KRT8: variants seen among roughly 807,000 people sequenced by gnomAD.
KRT8 encodes keratin, type II cytoskeletal 8.
In KRT8, 24 loss-of-function variants were observed where a neutral mutation model predicts 43.0. That is an observed-to-expected ratio of 0.56 (90% CI 0.40 to 0.78). The LOEUF is 0.78. KRT8 is among the 30% of genes least tolerant of loss of function. The probability of loss-of-function intolerance (pLI) is 0.00; values close to 1 mark genes in which losing one functional copy is unlikely to be tolerated. For missense variants in KRT8, 492 were observed against 638.4 expected, an observed-to-expected ratio of 0.77 and a Z score of 2.47; for synonymous variants, 214 against 261.2, an observed-to-expected ratio of 0.82 and a Z score of 1.74.
At chr12:52,926,596 G>A in intron 2 of KRT8, 1 of 709,478 alleles carries the variant, frequency 1.4e-6, no homozygotes, top group East Asian at 2.8e-5. Context: ...CACTTGCTGT[G>A]GGCATGTCTG....
At chr12:52,940,411 C>T (rs1471091132) in intron 2 of KRT8, among the ~76,000 whole-genome samples, 6 of 130,408 alleles carry the variant, frequency 4.6e-5, no homozygotes, top group Admixed American at 9.1e-5. Flanking sequence ...CCAGCCTGGG[C>T]GACAGAGCAA....
intron 2 of KRT8, among the ~76,000 whole-genome samples, chr12:52,927,140 C>T (rs979115613): frequency 2.6e-5 from 4 of 152,156 alleles, no homozygotes; most frequent in Non-Finnish European, 5.9e-5. Flanking sequence ...GGAGCTAAGC[C>T]TCAGAAGGGT....
At chr12:52,903,105 T>A (rs61927890) in intron 1 of KRT8, among the ~76,000 whole-genome samples, 48,411 of 151,994 alleles carry the variant, frequency 0.32, 8,067 homozygotes, top group Middle Eastern at 0.4. Flanking sequence ...TCTCTGCAAA[T>A]CGCTTTCTTC....
upstream of KRT8, among the ~76,000 whole-genome samples, chr12:52,909,691 T>A (rs571965600): frequency 6.6e-6 from 1 of 152,210 alleles, no homozygotes; most frequent in Non-Finnish European, 1.5e-5. Flanking sequence ...GGTTCTCACA[T>A]CTGCTAGGGT....
intron 2 of KRT8, among the ~76,000 whole-genome samples, chr12:52,925,189 GA>G (rs1941965092): frequency 6.6e-6 from 1 of 152,302 alleles, no homozygotes; most frequent in Non-Finnish European, 1.5e-5. Context: ...GTAATTCCAG[GA>G]AAAGACTGAG....
intron 2 of KRT8, among the ~76,000 whole-genome samples, chr12:52,938,155 TATATATATATATATA>T (rs1565732902): frequency 0.029 from 984 of 34,018 alleles, 75 homozygotes; most frequent in African/African-American, 0.056. Context: ...TATATATATA[TATATATATATATATA>T]TTTTTTTTTT....
intron 2 of KRT8, among the ~76,000 whole-genome samples, chr12:52,923,016 G>A (rs951224547): frequency 6.6e-6 from 1 of 152,130 alleles, no homozygotes; most frequent in Non-Finnish European, 1.5e-5. Context: ...AGGAAGCCCA[G>A]GACAGCTGAG....
At chr12:52,898,559 C>G in intron 6 of KRT8, 40 bp from the exon 7 acceptor site, 2 of 1,612,878 alleles carry the variant, frequency 1.2e-6, no homozygotes, top group Non-Finnish European at 1.7e-6. Flanking sequence ...CAACTCCTAG[C>G]CCTTCTTGGC....
rs765850955 is a variant in KRT8, at chr12:52,897,286, A to C, written c.*142T>G. ...GCATGGGCAAGGGGGGTCCCCAGGT[A>C]GTAAACTCCCCAGGTGGGCTGAGGG... On this transcript the variant is annotated 3_prime_UTR_variant, in exon 8 of 8. Transcript: ENST00000692008. 1.0e-5 allele frequency: 8 copies of C among 800,242 alleles called. 2 individuals are homozygous for C. In the South Asian group the frequency reaches 1.1e-4, roughly 11 times the overall value. The allele number at this position is 800,242 out of a possible 1,614,324, so 49.6% of individuals were successfully genotyped here.
intron 2 of KRT8, chr12:52,926,342 C>G: frequency 2.4e-6 from 2 of 822,974 alleles, no homozygotes; most frequent in Non-Finnish European, 3.8e-6. Context: ...GCCCTCCCCA[C>G]CCCACCCCCA....
intron 2 of KRT8, among the ~76,000 whole-genome samples, chr12:52,912,321 G>C (rs1023653003): frequency 6.6e-6 from 1 of 152,168 alleles, no homozygotes; most frequent in Non-Finnish European, 1.5e-5. Context: ...AAATTTCTGA[G>C]TCTCTGTTTT....
Position 52,938,136 on chromosome 12 carries a change from C to CTATATATATATA in KRT8, c.-47+11308_-47+11319dup, listed in dbSNP as rs1161700326. ...ATACCATTACACACCCACTAGAAAGCTATATATATATATATATATATATAT... is the reference window on the plus strand; with the variant it reads ...ATACCATTACACACCCACTAGAAAGCTATATATATATATATATATATATATATATATATATAT... On this transcript the variant is annotated intron_variant, in intron 2 of 6. Coordinates refer to the KRT8 transcript ENST00000546826. Among the ~76,000 whole-genome samples the CTATATATATATA allele has an allele frequency of 5.2e-3, 227 of 43,884 alleles. 8 individuals are homozygous for CTATATATATATA. The highest frequency in any genetic ancestry group is 7.6e-3 in the Non-Finnish European group (165 of 21,766). 28.8% of individuals were successfully genotyped at this position (43,884 alleles called of 152,430 possible). A position where few individuals can be genotyped will look rare whatever the true frequency, so the allele number is the denominator to read the frequency against.
chr12:52,928,253 C>T (rs1018133696), intron 2 of KRT8, among the ~76,000 whole-genome samples: 10 of 152,176 alleles, frequency 6.6e-5, no homozygotes, highest in Non-Finnish European at 1.3e-4. Context: ...CCTCTGAGAG[C>T]CCAAAGCAAT....
At chr12:52,899,294 G>A (rs1394680740) in intron 5 of KRT8, among the ~76,000 whole-genome samples, 2 of 152,010 alleles carry the variant, frequency 1.3e-5, no homozygotes, top group Non-Finnish European at 2.9e-5. Context: ...CAGCCTGGGC[G>A]ACAGAGCAAG....
chr12:52,936,802 A>T (rs1162993218), intron 2 of KRT8, among the ~76,000 whole-genome samples: 1 of 152,180 alleles, frequency 6.6e-6, no homozygotes, highest in Non-Finnish European at 1.5e-5. Context: ...GGTGTGAGGC[A>T]CTGTGCCCAG....
At chr12:52,926,332 G>GCCCCCCCCCCCCC in intron 2 of KRT8, 1 of 600,278 alleles carries the variant, frequency 1.7e-6, no homozygotes, top group Non-Finnish European at 3.0e-6. Context: ...GGCACTAGCT[G>GCCCCCCCCCCCCC]CCCTCCCCAC....
At chr12:52,904,059 AT>A (rs1477574546) in intron 1 of KRT8, among the ~76,000 whole-genome samples, 1 of 151,632 alleles carries the variant, frequency 6.6e-6, no homozygotes, top group Admixed American at 6.6e-5. Flanking sequence ...CTCAATCAAT[AT>A]TTGCCCGTTT....
intron 2 of KRT8, among the ~76,000 whole-genome samples, chr12:52,924,840 T>C (rs967808716): frequency 1.3e-5 from 2 of 152,218 alleles, no homozygotes; most frequent in African/African-American, 4.8e-5. Context: ...CTCTGTGGTC[T>C]GCGGCAACAG....
chr12:52,929,313 T>A (rs1264051188), intron 2 of KRT8, among the ~76,000 whole-genome samples: 1 of 150,954 alleles, frequency 6.6e-6, no homozygotes, highest in Non-Finnish European at 1.5e-5. Flanking sequence ...TGCCTCAACC[T>A]CCTGAGTAGC....
Sources: allele counts gnomAD v4.1 joint callset (sites outside exome capture counted in the v4.1 genomes callset), GRCh38; gene constraint gnomAD v4.1.1; transcripts MANE v1.5; gene names NCBI Gene and HGNC (gene_info 2026-07-23, HGNC 2026-07-21).